The following MAPK10 variants were observed in gnomAD, a reference collection of about 807,000 sequenced individuals.
MAPK10 encodes the protein JNK3 alpha protein kinase.
In MAPK10, 25 loss-of-function variants were observed where a neutral mutation model predicts 59.3. The observed-to-expected ratio is 0.42, with a 90% CI of 0.31 to 0.59. The LOEUF (loss-of-function observed/expected upper bound fraction) is 0.59. Ranked by LOEUF, MAPK10 falls within the 20% of genes least tolerant of loss-of-function variation. The probability of loss-of-function intolerance (pLI) is 0.15; values close to 1 mark genes in which losing one functional copy is unlikely to be tolerated. For missense variants in MAPK10, 351 were observed against 568.9 expected (o/e 0.62, Z 3.90); for synonymous variants, 190 against 200.5 (o/e 0.95, Z 0.44).
At chr4:86,417,101 C>T (rs1171740891) in intron 1 of MAPK10, among the ~76,000 whole-genome samples, 6 of 152,180 alleles carry the variant, frequency 3.9e-5, no homozygotes, top group Non-Finnish European at 7.3e-5. Context: ...TTACCTGGTA[C>T]TCATAGAATT....
intron 13 of MAPK10, among the ~76,000 whole-genome samples, chr4:86,019,501 T>A (rs1248824861): frequency 6.6e-6 from 1 of 152,166 alleles, no homozygotes; most frequent in East Asian, 1.9e-4. Flanking sequence ...ATATCCCCCA[T>A]AGCTATGGTA....
intron 3 of MAPK10, among the ~76,000 whole-genome samples, chr4:86,164,922 G>A (rs2071094971): frequency 6.6e-6 from 1 of 152,144 alleles, no homozygotes; most frequent in African/African-American, 2.4e-5. Flanking sequence ...ACAATCTTGT[G>A]TGGTGATAGA....
At chr4:86,260,011 C>T (rs552031498) in intron 2 of MAPK10, among the ~76,000 whole-genome samples, 5 of 152,164 alleles carry the variant, frequency 3.3e-5, no homozygotes, top group African/African-American at 1.2e-4. Flanking sequence ...TTCTCTTTTA[C>T]TACTCATTAA....
intron 4 of MAPK10, among the ~76,000 whole-genome samples, chr4:86,139,977 A>T (rs1484829935): frequency 4.2e-5 from 6 of 143,396 alleles, no homozygotes; most frequent in Admixed American, 1.4e-4. Context: ...TCAAAACCAC[A>T]ATGAGATACC....
chr4:86,047,426 C>T (rs180997020), intron 11 of MAPK10, among the ~76,000 whole-genome samples: 1 of 151,982 alleles, frequency 6.6e-6, no homozygotes, highest in African/African-American at 2.4e-5. Context: ...GTAAGGAAAC[C>T]GCAAGGATGC....
chr4:86,175,372 A>G (rs1450606480), intron 3 of MAPK10, among the ~76,000 whole-genome samples: 1 of 152,104 alleles, frequency 6.6e-6, no homozygotes, highest in African/African-American at 2.4e-5. Flanking sequence ...TTATTCTTAA[A>G]CCCTGTGTGA....
At chr4:86,024,320 G>T (rs1208340431) in intron 13 of MAPK10, 1 of 152,156 alleles carries the variant, frequency 6.6e-6, no homozygotes, top group Non-Finnish European at 1.5e-5. Context: ...TTGAATGTAT[G>T]TAACAAAAGC....
chr4:86,165,304 T>C (rs957341933), intron 3 of MAPK10, among the ~76,000 whole-genome samples: 8 of 152,144 alleles, frequency 5.3e-5, no homozygotes, highest in Admixed American at 3.9e-4. Context: ...TAATGCCTGA[T>C]GTTCTGGGGT....
chr4:86,207,520 G>A (rs185239254), intron 2 of MAPK10, among the ~76,000 whole-genome samples: 24 of 152,172 alleles, frequency 1.6e-4, no homozygotes, highest in African/African-American at 5.5e-4. Context: ...GGATTGACTT[G>A]GCGATACGGG....
intron 4 of MAPK10, among the ~76,000 whole-genome samples, chr4:86,132,819 A>G (rs1179826591): frequency 1.3e-5 from 2 of 152,164 alleles, no homozygotes; most frequent in African/African-American, 4.8e-5. Context: ...GTCTCCTATA[A>G]CCTCAGATGG....
intron 1 of MAPK10, among the ~76,000 whole-genome samples, chr4:86,413,750 G>A (rs896321183): frequency 6.6e-6 from 1 of 152,214 alleles, no homozygotes; most frequent in African/African-American, 2.4e-5. Context: ...CTCCTGGTCC[G>A]CCAGTCACTA....
At chr4:86,351,496 C>T (rs1207718929) in intron 2 of MAPK10, among the ~76,000 whole-genome samples, 2 of 151,704 alleles carry the variant, frequency 1.3e-5, no homozygotes, top group African/African-American at 4.8e-5. Flanking sequence ...AAAATCCTTC[C>T]TCTTGTTTGC....
chr4:86,558,642 T>C lies in MAPK10; in HGVS notation c.-263+35268A>G, dbSNP rs1034743715. On this transcript the variant is annotated intron_variant, in intron 1 of 4. Coordinates refer to the MAPK10 transcript ENST00000502302. ...AGAAAATGTTTCTTGTTTAGCAACATTGCTAAGTTGAATTACTTTTTCACT... is the reference window on the plus strand; with the variant it reads ...AGAAAATGTTTCTTGTTTAGCAACACTGCTAAGTTGAATTACTTTTTCACT... 2.6e-5 allele frequency among the ~76,000 whole-genome samples: 4 copies of C among 152,176 alleles called. No individual in the cohort carries two copies. In the East Asian group the frequency reaches 7.7e-4, roughly 29 times the overall value.
chr4:86,326,973 T>C (rs1354973395), intron 2 of MAPK10: 2 of 152,210 alleles, frequency 1.3e-5, no homozygotes, highest in Non-Finnish European at 2.9e-5. Context: ...TGTAAGTCTT[T>C]TTATTTCATT....
intron 3 of MAPK10, chr4:86,160,627 A>AT (rs1303573290): frequency 6.6e-6 from 1 of 151,994 alleles, no homozygotes. Flanking sequence ...AAGAAGTGAG[A>AT]TGTGAGACAT....
chr4:86,262,383 CCA>C (rs2094026327), intron 2 of MAPK10, among the ~76,000 whole-genome samples: 1 of 152,106 alleles, frequency 6.6e-6, no homozygotes, highest in Non-Finnish European at 1.5e-5. Flanking sequence ...TATAAAATAC[CCA>C]GTTTCCAGTA....
At chr4:86,101,320 T>C (rs1312344733) in intron 7 of MAPK10, 103 bp from the exon 8 acceptor site, 2 of 753,658 alleles carry the variant, frequency 2.7e-6, no homozygotes, top group Non-Finnish European at 4.4e-6. Context: ...ACTGATGAGG[T>C]CCCCCTTGCC....
intron 2 of MAPK10, among the ~76,000 whole-genome samples, chr4:86,244,641 T>A (rs1006837899): frequency 6.6e-6 from 1 of 152,182 alleles, no homozygotes; most frequent in Admixed American, 6.5e-5. Flanking sequence ...AAGTGGCTTA[T>A]GATGCTTCCA....
intron 2 of MAPK10, among the ~76,000 whole-genome samples, chr4:86,315,779 C>T (rs970097666): frequency 3.3e-5 from 5 of 152,044 alleles, no homozygotes; most frequent in African/African-American, 4.8e-5. Flanking sequence ...ATTTTTAATG[C>T]TGACACAGAC....
Sources: allele counts gnomAD v4.1 joint callset (sites outside exome capture counted in the v4.1 genomes callset), GRCh38; gene constraint gnomAD v4.1.1; transcripts MANE v1.5; gene names NCBI Gene and HGNC (gene_info 2026-07-23, HGNC 2026-07-21).